The following LEKR1 variants were observed in gnomAD, a reference collection of about 807,000 sequenced individuals.
The protein encoded by LEKR1 is leucine, glutamate and lysine rich 1, also known as protein LEKR1.
A neutral mutation model predicts 72.4 loss-of-function variants in LEKR1; 59 were observed. That is an observed-to-expected ratio of 0.82 (90% CI 0.66 to 1.01). The LOEUF is 1.01. Ranked by LOEUF, LEKR1 falls within the 50% of genes least tolerant of loss-of-function variation. The probability of loss-of-function intolerance (pLI) is 0.00; values close to 1 mark genes in which losing one functional copy is unlikely to be tolerated. For missense variants in LEKR1, 728 were observed against 759.2 expected, an observed-to-expected ratio of 0.96 and a Z score of 0.48; for synonymous variants, 257 against 263.2, an observed-to-expected ratio of 0.98 and a Z score of 0.23.
intron 9 of LEKR1, among the ~76,000 whole-genome samples, chr3:157,007,907 C>A (rs988491474): frequency 3.3e-5 from 5 of 152,152 alleles, no homozygotes; most frequent in African/African-American, 1.2e-4. Context: ...ATCAGATACT[C>A]AGGAACAGAT....
intron 3 of LEKR1, among the ~76,000 whole-genome samples, chr3:156,856,444 C>T (rs759137191): frequency 2.0e-5 from 3 of 152,074 alleles, no homozygotes; most frequent in Non-Finnish European, 4.4e-5. Flanking sequence ...CTTTTCTGGA[C>T]GAACTCTAGA....
intron 2 of LEKR1, among the ~76,000 whole-genome samples, chr3:156,829,890 G>A (rs1035887694): frequency 2.6e-5 from 4 of 152,052 alleles, no homozygotes; most frequent in African/African-American, 9.7e-5. Context: ...GGCGAACCAA[G>A]TAGCCTAGAA....
At chr3:157,042,988 G>A (rs959259651) in intron 12 of LEKR1, among the ~76,000 whole-genome samples, 13 of 152,102 alleles carry the variant, frequency 8.5e-5, no homozygotes, top group Non-Finnish European at 1.5e-5. Context: ...GATCATAGGG[G>A]CAGTTTCTCA....
intron 7 of LEKR1, among the ~76,000 whole-genome samples, chr3:156,985,683 A>C (rs1438415164): frequency 6.6e-6 from 1 of 151,990 alleles, no homozygotes; most frequent in African/African-American, 2.4e-5. Context: ...AAAAATACAA[A>C]AATTAGCTGG....
chr3:156,893,789 A>G (rs1372397846), intron 3 of LEKR1, among the ~76,000 whole-genome samples: 1 of 152,324 alleles, frequency 6.6e-6, no homozygotes. Flanking sequence ...CAATGCAAAA[A>G]TAGCATAATA....
chr3:156,882,915 C>T (rs962629417), intron 3 of LEKR1, among the ~76,000 whole-genome samples: 7 of 151,714 alleles, frequency 4.6e-5, no homozygotes, highest in African/African-American at 1.7e-4. Context: ...AAAAACCAAA[C>T]ACCACATATT....
At chr3:156,937,554 C>T (rs957803792) in intron 5 of LEKR1, among the ~76,000 whole-genome samples, 12 of 152,132 alleles carry the variant, frequency 7.9e-5, no homozygotes, top group Admixed American at 5.2e-4. Flanking sequence ...CTAGTTTACT[C>T]AGCACTGCTG....
Position 156,845,506 on chromosome 3 carries a change from A to C in LEKR1, c.49-7262A>C, listed in dbSNP as rs140879007. Among the ~76,000 whole-genome samples the C allele has an allele frequency of 2.9e-3, 436 of 151,556 alleles. 1 individual carries two copies. Among genetic ancestry groups the C allele is most frequent in the African/African-American group, 0.01 (415 of 41,444 alleles). On this transcript the variant is annotated intron_variant, in intron 2 of 12. Transcript: ENST00000356539. ...TTTATATTTTTGTCCCTACTTGTAG[A>C]ATATGTGAGGTTTAGGTTGAGGTTC...
intron 6 of LEKR1, among the ~76,000 whole-genome samples, chr3:156,958,787 T>C (rs1198238578): frequency 6.6e-6 from 1 of 152,144 alleles, no homozygotes; most frequent in Non-Finnish European, 1.5e-5. Flanking sequence ...TCTCACCTCC[T>C]AGCTTCACAC....
chr3:156,884,483 A>G (rs1234699180), intron 3 of LEKR1, among the ~76,000 whole-genome samples: 1 of 152,104 alleles, frequency 6.6e-6, no homozygotes, highest in Non-Finnish European at 1.5e-5. Flanking sequence ...AATAGTGGTA[A>G]ATTCTCTCAG....
At chr3:157,020,133 C>G (rs1300546951) in intron 10 of LEKR1, among the ~76,000 whole-genome samples, 1 of 152,050 alleles carries the variant, frequency 6.6e-6, no homozygotes, top group African/African-American at 2.4e-5. Context: ...TCAGGGGCAA[C>G]AAGATCTTGC....
intron 9 of LEKR1, among the ~76,000 whole-genome samples, chr3:157,007,701 T>A (rs1041241770): frequency 6.6e-6 from 1 of 152,258 alleles, no homozygotes; most frequent in African/African-American, 2.4e-5. Flanking sequence ...CTTGCCACAA[T>A]AACAGCATTC....
intron 3 of LEKR1, among the ~76,000 whole-genome samples, chr3:156,904,536 T>C (rs1475571720): frequency 1.3e-5 from 2 of 151,650 alleles, no homozygotes; most frequent in East Asian, 3.9e-4. Context: ...CATAGCTCAC[T>C]GCAGCCTTGA....
chr3:156,934,371 A>C (rs1285625625), intron 5 of LEKR1, among the ~76,000 whole-genome samples: 1 of 152,164 alleles, frequency 6.6e-6, no homozygotes, highest in Non-Finnish European at 1.5e-5. Context: ...GATTCCTGAT[A>C]ATATTTATAT....
In LEKR1 at chr3:156,996,232, A is replaced by G. The variant is rs1242869297; in HGVS notation, c.1109+2955A>G. On this transcript the variant is annotated intron_variant, in intron 9 of 12. Coordinates refer to ENST00000356539, the MANE Select transcript of LEKR1 (RefSeq NM_001004316.3). ...TGGATATGAAGTAGTAAAAATTGAT[A>G]GAAGAGGTGCCTGCTTTGGCTAGGG... 2.6e-5 allele frequency among the ~76,000 whole-genome samples: 4 copies of G among 152,286 alleles called. No homozygotes were observed. In the East Asian group the frequency reaches 7.7e-4, roughly 29 times the overall value.
At chr3:156,982,389 C>T (rs1427591371) in intron 7 of LEKR1, among the ~76,000 whole-genome samples, 1 of 151,974 alleles carries the variant, frequency 6.6e-6, no homozygotes, top group African/African-American at 2.4e-5. Context: ...GGATGGTTTT[C>T]TAGTGTCTTT....
chr3:156,842,808 A>G (rs1204397270), intron 2 of LEKR1, among the ~76,000 whole-genome samples: 1 of 152,150 alleles, frequency 6.6e-6, no homozygotes, highest in East Asian at 1.9e-4. Context: ...GAATAAGATA[A>G]TCTTTGACTC....
At chr3:156,954,409 A>G (rs903717177) in intron 6 of LEKR1, among the ~76,000 whole-genome samples, 1 of 151,828 alleles carries the variant, frequency 6.6e-6, no homozygotes, top group South Asian at 2.1e-4. Flanking sequence ...TGCTTTTAAC[A>G]TTTTCATCAT....
In LEKR1 at chr3:156,971,801, A is replaced by C. The variant is rs200948945; in HGVS notation, c.746-7393A>C. Among the ~76,000 whole-genome samples the C allele has an allele frequency of 1.6e-4, 25 of 152,346 alleles. No homozygotes were observed. In the East Asian group the frequency reaches 3.3e-3, roughly 20 times the overall value. The stretch of plus-strand genomic sequence containing the variant: ...CAAAACCACAATGAGATACCATCTC[A>C]CACCAGTTAGAATGGCAATCATTAA... On this transcript the variant is annotated intron_variant, in intron 6 of 12. Transcript: ENST00000356539.
Sources: gnomAD v4.1 joint callset for allele counts (sites outside exome capture counted in the v4.1 genomes callset) on GRCh38, gnomAD v4.1.1 for gene constraint, MANE v1.5 for transcripts, NCBI Gene and HGNC (gene_info 2026-07-23, HGNC 2026-07-21) for gene names.